Variants in LRBA observed in about 807,000 individuals in gnomAD.
LRBA encodes LPS responsive beige-like anchor protein, also known as lipopolysaccharide-responsive and beige-like anchor protein.
In LRBA, 176 loss-of-function variants were observed where a neutral mutation model predicts 330.0. The ratio of observed to expected loss-of-function variants is 0.53; its 90% CI spans 0.47 to 0.60. The LOEUF is 0.60. LRBA is among the 20% of genes least tolerant of loss of function. LRBA has a pLI of 0.00. For synonymous variants in LRBA, 1,230 were observed against 1,193.0 expected (o/e 1.03, Z -0.64); for missense variants, 3,259 against 3,444.8 (o/e 0.95, Z 1.35).
chr4:150,891,712 G>A (rs139483030), intron 17 of LRBA, among the ~76,000 whole-genome samples: 1 of 152,288 alleles, frequency 6.6e-6, no homozygotes, highest in Admixed American at 6.5e-5. Flanking sequence ...TCTCGTGAGT[G>A]TGTGCATGGA....
At chr4:150,546,822 T>TG (rs909277969) in intron 40 of LRBA, among the ~76,000 whole-genome samples, 3 of 152,196 alleles carry the variant, frequency 2.0e-5, no homozygotes, top group Admixed American at 2.0e-4. Context: ...GCAATGTCCC[T>TG]GGTCAGCTCT....
rs1762864107 is a variant in LRBA, at chr4:150,520,965, GTTAT to G, written c.6331-29934_6331-29931del. Among the ~76,000 whole-genome samples, 8 of 152,046 alleles carry G rather than the reference GTTAT, an allele frequency of 5.3e-5. 1 individual carries two copies. In the South Asian group the frequency reaches 1.7e-3, roughly 32 times the overall value. ...TTAAAAACAATAGAGACCTAATTAG[GTTAT>G]TTATTTTTAATTAAATAAGCTTTAG... On this transcript the variant is annotated intron_variant, in intron 40 of 56. Transcript: ENST00000651943.
intron 17 of LRBA, among the ~76,000 whole-genome samples, chr4:150,887,712 T>C (rs1481472173): frequency 7.4e-6 from 1 of 135,634 alleles, no homozygotes; most frequent in African/African-American, 2.8e-5. Flanking sequence ...GAGCTTACAG[T>C]GAGCCAAGAT....
At chr4:150,890,924 G>A (rs73859291) in intron 17 of LRBA, among the ~76,000 whole-genome samples, 10,848 of 151,586 alleles carry the variant, frequency 0.072, 697 homozygotes, top group African/African-American at 0.18. Context: ...TTTTTTAAAA[G>A]TGGTAAAATC....
At chr4:150,707,802 G>A (rs1241942247) in intron 36 of LRBA, among the ~76,000 whole-genome samples, 1 of 151,708 alleles carries the variant, frequency 6.6e-6, no homozygotes, top group Non-Finnish European at 1.5e-5. Flanking sequence ...TCTAGCATAT[G>A]ATAATTAGAC....
intron 36 of LRBA, among the ~76,000 whole-genome samples, chr4:150,684,525 C>A (rs1783355723): frequency 6.6e-6 from 1 of 152,124 alleles, no homozygotes. Context: ...TCTTAGATAT[C>A]ATCAATTTTA....
intron 22 of LRBA, among the ~76,000 whole-genome samples, chr4:150,862,467 G>A (rs1436508104): frequency 6.6e-6 from 1 of 152,022 alleles, no homozygotes; most frequent in African/African-American, 2.4e-5. Context: ...CTCATAGGTG[G>A]GAATTGAACA....
At chr4:150,765,634 C>A (rs1265179953) in intron 34 of LRBA, among the ~76,000 whole-genome samples, 1 of 151,986 alleles carries the variant, frequency 6.6e-6, no homozygotes, top group African/African-American at 2.4e-5. Context: ...TTTCTCAAAT[C>A]CATTTGTTCT....
rs182841977 is a variant in LRBA at position 150,911,130 on chromosome 4, C to T, written c.1162-2273G>A. 7.9e-5 allele frequency among the ~76,000 whole-genome samples: 12 copies of T among 152,258 alleles called. No individual in the cohort carries two copies. In the South Asian group the frequency reaches 1.0e-3, roughly 13 times the overall value. On this transcript the variant is annotated intron_variant, in intron 9 of 56. Coordinates refer to ENST00000651943, the MANE Select transcript of LRBA (RefSeq NM_001364905.1). ...TTTTTAGATATAAGGTCATGCCATA[C>T]GCCAACAGATGATTTTACCTCTTCC...
chr4:150,535,994 C>T (rs2152212379), intron 40 of LRBA, among the ~76,000 whole-genome samples: 1 of 152,194 alleles, frequency 6.6e-6, no homozygotes, highest in East Asian at 1.9e-4. Flanking sequence ...ATAACCAAGC[C>T]TTTACATTTA....
chr4:150,333,782 A>T (rs904495475), intron 48 of LRBA, among the ~76,000 whole-genome samples: 3 of 152,172 alleles, frequency 2.0e-5, no homozygotes, highest in African/African-American at 7.2e-5. Context: ...AAGTTTAAAA[A>T]CATATTAATC....
In LRBA at chr4:150,590,866, T is replaced by A. The variant is rs1772735926; in HGVS notation, c.6047-7A>T. 6.2e-7 allele frequency: 1 copy of A among 1,613,272 alleles called. No individual in the cohort carries two copies. The highest frequency in any genetic ancestry group is 1.3e-5 in the African/African-American group (1 of 74,848). On this transcript the variant is annotated splice_polypyrimidine_tract_variant and splice_region_variant and intron_variant, in intron 38 of 56. Coordinates refer to ENST00000651943, the MANE Select transcript of LRBA (RefSeq NM_001364905.1). ...AGGATATCTTCATCTGTGGCTGAAA[T>A]GAAAAGGAAACAAAGCTGTCCATCA...
In LRBA at chr4:150,630,725, T is replaced by C. The variant is rs570170335; in HGVS notation, c.5922-31594A>G. On this transcript the variant is annotated intron_variant, in intron 37 of 56. Transcript: ENST00000651943. Reference sequence around the variant, plus strand: ...ATTCCAAATTTGCTAAACTTTTCTGTGGCAGTGCACTGCAACAAGCTCTGA... The same window carrying C: ...ATTCCAAATTTGCTAAACTTTTCTGCGGCAGTGCACTGCAACAAGCTCTGA... Among the ~76,000 whole-genome samples, 22 of 152,286 alleles carry C rather than the reference T, an allele frequency of 1.4e-4. No individual in the cohort carries two copies. In the South Asian group the frequency reaches 4.6e-3, roughly 32 times the overall value.
At chr4:150,862,767 C>T (rs1752122406) in intron 22 of LRBA, among the ~76,000 whole-genome samples, 1 of 151,528 alleles carries the variant, frequency 6.6e-6, no homozygotes, top group Non-Finnish European at 1.5e-5. Context: ...CCCTGAGCTC[C>T]GGAATTCAAG....
intron 44 of LRBA, among the ~76,000 whole-genome samples, chr4:150,443,426 C>G (rs1191178865): frequency 1.3e-5 from 2 of 152,092 alleles, no homozygotes; most frequent in Non-Finnish European, 2.9e-5. Flanking sequence ...CTACTCACAA[C>G]AGCAAAGACT....
At chr4:150,907,438 T>C (rs1333727309) in intron 11 of LRBA, among the ~76,000 whole-genome samples, 2 of 151,964 alleles carry the variant, frequency 1.3e-5, no homozygotes, top group Non-Finnish European at 2.9e-5. Flanking sequence ...AAAGTATTAA[T>C]ATGTCAGGGT....
chr4:150,951,756 T>G (rs534438876), intron 2 of LRBA, among the ~76,000 whole-genome samples: 14 of 152,204 alleles, frequency 9.2e-5, no homozygotes, highest in Non-Finnish European at 1.8e-4. Flanking sequence ...AGAATCTACA[T>G]TAATGTATGT....
rs538521993 is a variant in LRBA at position 150,941,032 on chromosome 4, T to C, written c.217-11967A>G. ...GCTTTTTTAACGGGTTTTTAAATTT[T>C]AGATTGTAAATTTATTTTCAATGGG... On this transcript the variant is annotated intron_variant, in intron 2 of 56. Coordinates refer to ENST00000651943, the MANE Select transcript of LRBA (RefSeq NM_001364905.1). Among the ~76,000 whole-genome samples the C allele has an allele frequency of 3.9e-5, 6 of 152,282 alleles. No individual in the cohort carries two copies. In the South Asian group the frequency reaches 1.2e-3, roughly 32 times the overall value.
At chr4:150,558,507 T>G (rs1002569296) in intron 40 of LRBA, among the ~76,000 whole-genome samples, 9 of 152,218 alleles carry the variant, frequency 5.9e-5, no homozygotes, top group African/African-American at 2.2e-4. Flanking sequence ...AATCCCATTA[T>G]TCTATTCTTC....
Sources: allele counts gnomAD v4.1 joint callset (sites outside exome capture counted in the v4.1 genomes callset), GRCh38; gene constraint gnomAD v4.1.1; transcripts MANE v1.5; gene names NCBI Gene and HGNC (gene_info 2026-07-23, HGNC 2026-07-21).